TMEM132E: variants seen among roughly 807,000 people sequenced by gnomAD.
TMEM132E encodes transmembrane protein 132E.
A neutral mutation model predicts 78.5 loss-of-function variants in TMEM132E; 49 were observed. The ratio of observed to expected loss-of-function variants is 0.62; its 90% CI spans 0.50 to 0.79. The LOEUF (loss-of-function observed/expected upper bound fraction) is 0.79. Ranked by LOEUF, TMEM132E falls within the 30% of genes least tolerant of loss-of-function variation. TMEM132E has a pLI of 0.00. For synonymous variants in TMEM132E, 715 were observed against 670.6 expected (o/e 1.07, Z -1.02); for missense variants, 1,403 against 1,470.9 (o/e 0.95, Z 0.75).
At chr17:34,600,712 G>A (rs140011096) in intron 1 of TMEM132E, among the ~76,000 whole-genome samples, 4 of 152,288 alleles carry the variant, frequency 2.6e-5, no homozygotes, top group African/African-American at 4.8e-5. Context: ...GTGCGGCCCC[G>A]GCAGAACTGG....
chr17:34,613,211 A>ACACACACACACGCGCGCGCGCG, intron 1 of TMEM132E, among the ~76,000 whole-genome samples: 23 of 115,974 alleles, frequency 2.0e-4, no homozygotes, highest in Admixed American at 4.9e-4. Flanking sequence ...ACACACACAC[A>ACACACACACACGCGCGCGCGCG]CGCGCGCGCG....
rs989624777 is a variant in TMEM132E, at chr17:34,579,727, G to T, written c.-1350G>T. The T allele has an allele frequency of 2.6e-5, 4 of 152,688 alleles. No homozygotes were observed. The highest frequency in any genetic ancestry group is 4.8e-5 in the African/African-American group (2 of 41,454). 9.5% of individuals were successfully genotyped at this position (152,688 alleles called of 1,614,324 possible). On this transcript the variant is annotated 5_prime_UTR_variant, in exon 1 of 9. Transcript: ENST00000631683. Reference sequence around the variant, plus strand: ...CTTCCCCCACACACGTCCATGGGGAGCCGGCTCCCCTGCCAGCACCTCCTC... The same window carrying T: ...CTTCCCCCACACACGTCCATGGGGATCCGGCTCCCCTGCCAGCACCTCCTC...
In TMEM132E at chr17:34,634,567, A is replaced by G. The variant is rs1907451745; in HGVS notation, c.1689-232A>G. Among the ~76,000 whole-genome samples, 4 of 152,360 alleles carry G rather than the reference A, an allele frequency of 2.6e-5. No homozygotes were observed. In the South Asian group the frequency reaches 8.3e-4, roughly 32 times the overall value. ...ATTCCTAGGCTTGGCTTAAGCCAAG[A>G]AGAGGCAGAGAGGGACAGGAGGTAG... On this transcript the variant is annotated intron_variant, in intron 6 of 8. Coordinates refer to ENST00000631683, the MANE Select transcript of TMEM132E (RefSeq NM_001304438.2).
intron 1 of TMEM132E, among the ~76,000 whole-genome samples, chr17:34,589,604 G>T (rs1467077156): frequency 6.6e-6 from 1 of 152,174 alleles, no homozygotes; most frequent in Non-Finnish European, 1.5e-5. Flanking sequence ...GGGGGTCCTT[G>T]TGTTCAGGGA....
Position 34,580,979 on chromosome 17 carries a change from G to T in TMEM132E, c.-98G>T, listed in dbSNP as rs1437895939. 6 of 961,926 alleles carry T rather than the reference G, an allele frequency of 6.2e-6. No homozygotes were observed. The African/African-American group carries it at 6.8e-5, about 11-fold the overall frequency. The allele number at this position is 961,926 out of a possible 1,614,324, so 59.6% of individuals were successfully genotyped here. On this transcript the variant is annotated 5_prime_UTR_variant, in exon 1 of 9. Coordinates refer to ENST00000631683, the MANE Select transcript of TMEM132E (RefSeq NM_001304438.2). The stretch of plus-strand genomic sequence containing the variant: ...GGAGCTGCATCTGAGACAGCCGGGC[G>T]CCACGGCAGCCCTGAGTTGGATGTG...
At chr17:34,616,532 C>T (rs1029727669) in intron 1 of TMEM132E, among the ~76,000 whole-genome samples, 15 of 152,220 alleles carry the variant, frequency 9.9e-5, no homozygotes, top group African/African-American at 3.6e-4. Flanking sequence ...GCAGCCCAGG[C>T]TGCAGTCACC....
At position 34,628,586 on chromosome 17, in the gene TMEM132E, C is replaced by A. The variant is rs374055279; in HGVS notation, c.1022C>A (p.Thr341Asn). Residue 341 changes from threonine to asparagine, a missense_variant, in exon 3 of 9, where the codon ACC (threonine) becomes AAC (asparagine). Thr to Asn is a moderately conservative substitution (Grantham distance 65). This residue lies in a region of TMEM132E where 511 missense variants were observed against 499.0 expected (regional missense o/e 1.02). Transcript: ENST00000631683. Reference sequence around the variant, plus strand: ...AGGGTGAAGGCCAAGAAGGGTGTGACCCTTTTAGGTACCAAGTCACGGAGT... The same window carrying A: ...AGGGTGAAGGCCAAGAAGGGTGTGAACCTTTTAGGTACCAAGTCACGGAGT... ...TLRVKAKKGV[T>N]LLGTKSRSGQ... 1.1e-5 allele frequency: 17 copies of A among 1,613,884 alleles called. No individual in the cohort carries two copies. Among genetic ancestry groups the A allele is most frequent in the Non-Finnish European group, 1.4e-5 (16 of 1,179,982 alleles).
At chr17:34,610,422 A>G (rs535667200) in intron 1 of TMEM132E, among the ~76,000 whole-genome samples, 14 of 152,364 alleles carry the variant, frequency 9.2e-5, no homozygotes, top group African/African-American at 2.9e-4. Flanking sequence ...CAGGGCCTCC[A>G]TCTAAGAGAA....
At chr17:34,623,386 A>AGG (rs1401587768) in intron 1 of TMEM132E, among the ~76,000 whole-genome samples, 1 of 128,604 alleles carries the variant, frequency 7.8e-6, no homozygotes, top group Non-Finnish European at 1.6e-5. Context: ...TAACTAAGGC[A>AGG]GGGCTAGTAC....
Position 34,629,178 on chromosome 17 carries a change from G to A in TMEM132E, c.1312G>A (p.Val438Met), listed in dbSNP as rs749485751. ...VTELTVIQRDVQAILPLAMDT... is the reference protein window; with the variant it reads ...VTELTVIQRDMQAILPLAMDT... The stretch of plus-strand genomic sequence containing the variant: ...TGAGCTGACGGTCATTCAGCGGGAT[G>A]TGCAAGCCATCCTGCCCCTGGCCAT... The change falls in exon 4 of 9, where the codon GTG becomes ATG. Residue 438 changes from valine to methionine, a missense_variant. Coordinates refer to ENST00000631683, the MANE Select transcript of TMEM132E (RefSeq NM_001304438.2). The A allele has an allele frequency of 1.2e-6, 2 of 1,614,108 alleles. No individual in the cohort carries two copies. The highest frequency in any genetic ancestry group is 4.5e-5 in the East Asian group (2 of 44,882).
intron 1 of TMEM132E, among the ~76,000 whole-genome samples, chr17:34,584,560 G>A (rs1318691697): frequency 6.6e-6 from 1 of 152,326 alleles, no homozygotes; most frequent in South Asian, 2.1e-4. Context: ...TTTAGGGCAG[G>A]AGCCATGTCT....
At chr17:34,603,725 T>C (rs1340347735) in intron 1 of TMEM132E, among the ~76,000 whole-genome samples, 1 of 152,184 alleles carries the variant, frequency 6.6e-6, no homozygotes, top group African/African-American at 2.4e-5. Flanking sequence ...CCTTGCCTTC[T>C]CAGCCTCATG....
At chr17:34,623,828 G>A (rs552451903) in intron 1 of TMEM132E, among the ~76,000 whole-genome samples, 25 of 152,224 alleles carry the variant, frequency 1.6e-4, no homozygotes, top group African/African-American at 5.1e-4. Flanking sequence ...AGTTGGCCTC[G>A]GGGCCAGCAT....
At position 34,589,390 on chromosome 17, in the gene TMEM132E, G is replaced by T. The variant is rs371133281; in HGVS notation, c.67+8247G>T. ...GCTGAGGGAAATAGGGAGCTGTCAT[G>T]ATGGAGGCCACATGCCGGCTGTTCT... On this transcript the variant is annotated intron_variant, in intron 1 of 8. Transcript: ENST00000631683. 1.0e-3 allele frequency among the ~76,000 whole-genome samples: 155 copies of T among 152,346 alleles called. 4 individuals are homozygous for T. The South Asian group carries it at 0.031, about 30-fold the overall frequency.
rs745351904 is a variant in TMEM132E, at chr17:34,626,188, G to A, written c.129G>A (p.Leu43=). The A allele has an allele frequency of 1.1e-4, 179 of 1,566,568 alleles. No individual in the cohort carries two copies. The highest frequency in any genetic ancestry group is 1.5e-4 in the Non-Finnish European group (174 of 1,156,276). The change falls in exon 2 of 9, where the codon CTG becomes CTA. Residue 43 remains leucine, a synonymous_variant. Coordinates refer to ENST00000631683, the MANE Select transcript of TMEM132E (RefSeq NM_001304438.2). The stretch of plus-strand genomic sequence containing the variant: ...CGGGGCCGCAGGCCAGCCCGGTGCT[G>A]CCAGTCAGCTACCGCCTGTCGCACA... ...SPPGPQASPV[L]PVSYRLSHTR...
chr17:34,593,747 G>C (rs1389679842), intron 1 of TMEM132E, among the ~76,000 whole-genome samples: 1 of 152,250 alleles, frequency 6.6e-6, no homozygotes, highest in African/African-American at 2.4e-5. Context: ...TCTGCCAGGA[G>C]ATCCTGCAAA....
chr17:34,636,724 G>C (rs1907532949), intron 8 of TMEM132E, among the ~76,000 whole-genome samples: 1 of 152,206 alleles, frequency 6.6e-6, no homozygotes, highest in Non-Finnish European at 1.5e-5. Flanking sequence ...TCTGGAGGGA[G>C]GGCAATCCTC....
chr17:34,627,715 G>T (rs1907206868), intron 2 of TMEM132E, among the ~76,000 whole-genome samples: 1 of 152,148 alleles, frequency 6.6e-6, no homozygotes, highest in African/African-American at 2.4e-5. Context: ...CCACCAAAAT[G>T]CTTCCTCAGC....
chr17:34,609,117 A>T (rs1022234901), intron 1 of TMEM132E, among the ~76,000 whole-genome samples: 1 of 152,184 alleles, frequency 6.6e-6, no homozygotes. Context: ...AATGGGGGTG[A>T]ATCACATTAA....
Sources: gnomAD v4.1 joint callset for allele counts (sites outside exome capture counted in the v4.1 genomes callset) on GRCh38, gnomAD v4.1.1 for gene constraint, gnomAD v4.1.1 regional missense constraint, MANE v1.5 for transcripts, NCBI Gene and HGNC (gene_info 2026-07-23, HGNC 2026-07-21) for gene names.